RERGL: variants seen among roughly 807,000 people sequenced by gnomAD.
RERGL encodes the protein RERG like.
A neutral mutation model predicts 24.7 loss-of-function variants in RERGL; 22 were observed. That is an observed-to-expected ratio of 0.89 (90% confidence interval 0.64 to 1.27). The LOEUF (loss-of-function observed/expected upper bound fraction) is 1.27. Ranked by LOEUF, RERGL falls within the 50% of genes most tolerant of loss-of-function variation. RERGL has a pLI of 0.00. For synonymous variants in RERGL, 76 were observed against 82.6 expected (o/e 0.92, Z 0.43); for missense variants, 259 against 235.3 (o/e 1.10, Z -0.66).
At position 18,081,327 on chromosome 12, in the gene RERGL, A is replaced by T. The variant is rs1947168918; in HGVS notation, c.479T>A (p.Val160Glu). ...ELSAAEQSLE[V>E]EMMFIRIIKD... is the part of the protein sequence containing the mutation. Reference sequence around the variant, plus strand: ...GATAATTCTGATAAACATCATTTCCACCTCCAGAGACTGCTCTGCTGCAGA... The same window carrying T: ...GATAATTCTGATAAACATCATTTCCTCCTCCAGAGACTGCTCTGCTGCAGA... The change falls in exon 5 of 5, where the codon GTG becomes GAG. Residue 160 changes from valine to glutamate, a missense_variant. Physicochemically the swap from Val to Glu is moderately radical, Grantham distance 121. Coordinates refer to ENST00000538724, the MANE Select transcript of RERGL (RefSeq NM_001286201.2). 6.2e-7 allele frequency: 1 copy of T among 1,614,038 alleles called. No individual in the cohort carries two copies. Among genetic ancestry groups the T allele is most frequent in the Non-Finnish European group, 8.5e-7 (1 of 1,179,996 alleles).
At position 18,085,707 on chromosome 12, in the gene RERGL, C is replaced by CAT; in HGVS notation, c.110-16_110-15dup. The CAT allele has an allele frequency of 6.9e-7, 1 of 1,456,906 alleles. No homozygotes were observed. Among genetic ancestry groups the CAT allele is most frequent in the Non-Finnish European group, 9.6e-7 (1 of 1,046,898 alleles). The allele number at this position is 1,456,906 out of a possible 1,614,324, so 90.2% of individuals were successfully genotyped here. A position where few individuals can be genotyped will look rare whatever the true frequency, so the allele number is the denominator to read the frequency against. ...TATAGATAGATTCTGCAAAAATATG[C>CAT]ATATCCACTGTCAGTATGAAAATAC... On this transcript the variant is annotated splice_polypyrimidine_tract_variant and intron_variant, in intron 2 of 4. Coordinates refer to ENST00000538724, the MANE Select transcript of RERGL (RefSeq NM_001286201.2).
At chr12:18,086,475 AT>A (rs1230957433) in intron 2 of RERGL, among the ~76,000 whole-genome samples, 1 of 152,014 alleles carries the variant, frequency 6.6e-6, no homozygotes, top group African/African-American at 2.4e-5. Context: ...TTAATTCTGT[AT>A]CTTGATTTTA....
chr12:18,088,159 A>G (rs960708203), intron 2 of RERGL, among the ~76,000 whole-genome samples: 10 of 152,032 alleles, frequency 6.6e-5, no homozygotes, highest in African/African-American at 2.4e-4. Flanking sequence ...GTAATCTGCC[A>G]TTCTTATTTT....
intron 3 of RERGL, 76 bp from the exon 4 acceptor site, chr12:18,084,741 G>T: frequency 1.6e-6 from 2 of 1,234,622 alleles, no homozygotes; most frequent in South Asian, 1.6e-5. Context: ...GTTAACTAAT[G>T]GAGACCCACT....
chr12:18,084,686 T>C (rs1197987781), intron 3 of RERGL, 21 bp from the exon 4 acceptor site: 3 of 1,603,378 alleles, frequency 1.9e-6, no homozygotes, highest in African/African-American at 1.3e-5. Context: ...ACCAAGTGCA[T>C]TAAAAGTGGT....
intron 4 of RERGL, among the ~76,000 whole-genome samples, chr12:18,083,531 T>A (rs1947192028): frequency 6.6e-6 from 1 of 152,056 alleles, no homozygotes; most frequent in Admixed American, 6.6e-5. Flanking sequence ...CACATCTGTT[T>A]CTCCTATCCT....
chr12:18,090,185 C>G lies in RERGL; in HGVS notation c.-45G>C. On this transcript the variant is annotated 5_prime_UTR_variant, in exon 1 of 5. Transcript: ENST00000538724. ...GTCAGTCCTATTTTCTGGAACTACA[C>G]TGCCCTGTGACAAGCTTTTTTTTAA... 5 of 1,489,806 alleles carry G rather than the reference C, an allele frequency of 3.4e-6. No homozygotes were observed. Among genetic ancestry groups the G allele is most frequent in the Non-Finnish European group, 4.5e-6 (5 of 1,119,526 alleles). The allele number at this position is 1,489,806 out of a possible 1,614,324, so 92.3% of individuals were successfully genotyped here. A position where few individuals can be genotyped will look rare whatever the true frequency, so the allele number is the denominator to read the frequency against.
At chr12:18,089,397 G>A in intron 1 of RERGL, 2 of 1,347,028 alleles carry the variant, frequency 1.5e-6, no homozygotes, top group Non-Finnish European at 1.9e-6. Context: ...TACAAATCCA[G>A]GAAATAGAAA....
At chr12:18,088,213 T>C (rs12306668) in intron 2 of RERGL, among the ~76,000 whole-genome samples, 14,385 of 152,068 alleles carry the variant, frequency 0.095, 734 homozygotes, top group Middle Eastern at 0.18. Context: ...TTTCTTCAAT[T>C]GGGTAAGATA....
chr12:18,083,232 T>C (rs976884560), intron 4 of RERGL, among the ~76,000 whole-genome samples: 10 of 152,132 alleles, frequency 6.6e-5, no homozygotes, highest in African/African-American at 2.4e-4. Context: ...ATATTTTGCT[T>C]TCCTAGTCTT....
chr12:18,083,153 G>T (rs958558778), intron 4 of RERGL, among the ~76,000 whole-genome samples: 1 of 151,980 alleles, frequency 6.6e-6, no homozygotes, highest in Non-Finnish European at 1.5e-5. Context: ...GGGTAAATGA[G>T]GAAGGATATA....
chr12:18,085,427 G>A (rs1947209872), intron 3 of RERGL, among the ~76,000 whole-genome samples, 193 bp downstream of exon 3: 1 of 152,098 alleles, frequency 6.6e-6, no homozygotes, highest in African/African-American at 2.4e-5. Flanking sequence ...ACTTACAGAC[G>A]TGCTAGATGA....
chr12:18,085,172 G>A (rs555238999), intron 3 of RERGL, among the ~76,000 whole-genome samples: 8 of 152,028 alleles, frequency 5.3e-5, no homozygotes, highest in Non-Finnish European at 1.0e-4. Context: ...TTTCTCTTAC[G>A]TGTATAATCC....
At chr12:18,084,828 T>C (rs1394642392) in intron 3 of RERGL, among the ~76,000 whole-genome samples, 163 bp from the exon 4 acceptor site, 1 of 152,222 alleles carries the variant, frequency 6.6e-6, no homozygotes, top group African/African-American at 2.4e-5. Flanking sequence ...TATTGCTTTG[T>C]CCTTAATTAA....
intron 2 of RERGL, among the ~76,000 whole-genome samples, chr12:18,088,466 A>G (rs1422575573): frequency 6.6e-6 from 1 of 152,246 alleles, no homozygotes; most frequent in South Asian, 2.1e-4. Context: ...TAATCAAGGC[A>G]TAATTTTCCT....
At chr12:18,085,598 A>C (rs1018104687) in intron 3 of RERGL, 22 bp downstream of exon 3, 3 of 1,372,098 alleles carry the variant, frequency 2.2e-6, no homozygotes, top group Non-Finnish European at 3.1e-6. Flanking sequence ...AATCAATAAA[A>C]AAGGTGTTTT....
intron 4 of RERGL, among the ~76,000 whole-genome samples, chr12:18,081,907 A>C (rs1947177185): frequency 6.6e-6 from 1 of 152,148 alleles, no homozygotes; most frequent in Admixed American, 6.5e-5. Flanking sequence ...TTGGGAGGCC[A>C]AGGCGGGCAG....
At chr12:18,089,637 T>G (rs1947251806) in intron 1 of RERGL, among the ~76,000 whole-genome samples, 1 of 152,094 alleles carries the variant, frequency 6.6e-6, no homozygotes, top group Admixed American at 6.6e-5. Context: ...TTCCTTCATC[T>G]TAGTAATGCT....
Position 18,090,106 on chromosome 12 carries a change from T to G in RERGL, c.35A>C (p.Glu12Ala). The G allele has an allele frequency of 6.5e-7, 1 of 1,533,670 alleles. No individual in the cohort carries two copies. Among genetic ancestry groups the G allele is most frequent in the South Asian group, 1.2e-5 (1 of 83,738 alleles). Residue 12 changes from glutamate (E) to alanine (A), a missense_variant, in exon 1 of 5, where the codon GAA (glutamate) becomes GCA (alanine). Transcript: ENST00000538724. ...CCACTCACCAGATTTGCCTGTTCCTTCACCACCCAAGACAGCAAGCTTCAC... is the reference window on the plus strand; with the variant it reads ...CCACTCACCAGATTTGCCTGTTCCTGCACCACCCAAGACAGCAAGCTTCAC... ...NDVKLAVLGGEGTGKSALTVR... is the reference protein window; with the variant it reads ...NDVKLAVLGGAGTGKSALTVR...
Sources: gnomAD v4.1 joint callset for allele counts (sites outside exome capture counted in the v4.1 genomes callset) on GRCh38, gnomAD v4.1.1 for gene constraint, MANE v1.5 for transcripts, NCBI Gene and HGNC (gene_info 2026-07-23, HGNC 2026-07-21) for gene names.